NEGR1: variants seen among roughly 807,000 people sequenced by gnomAD.
NEGR1 encodes neuronal growth regulator 1, also known as IgLON family member 4.
In NEGR1, 10 loss-of-function variants were observed where a neutral mutation model predicts 40.9. That is an observed-to-expected ratio of 0.24 (90% CI 0.15 to 0.42). The LOEUF is 0.42. Ranked by LOEUF, NEGR1 falls within the 10% of genes least tolerant of loss-of-function variation. The pLI is 1.00. For missense variants in NEGR1, 352 were observed against 438.9 expected, an observed-to-expected ratio of 0.80 and a Z score of 1.77; for synonymous variants, 185 against 166.8, an observed-to-expected ratio of 1.11 and a Z score of -0.84.
At chr1:71,591,633 T>A (rs1649502877) in intron 6 of NEGR1, among the ~76,000 whole-genome samples, 1 of 152,112 alleles carries the variant, frequency 6.6e-6, no homozygotes, top group Non-Finnish European at 1.5e-5. Context: ...TAAATCATCC[T>A]CATGGAAGGA....
chr1:72,180,728 G>C (rs577781593), intron 1 of NEGR1, among the ~76,000 whole-genome samples: 2 of 152,010 alleles, frequency 1.3e-5, no homozygotes, highest in Non-Finnish European at 2.9e-5. Context: ...CATTAATCAT[G>C]ACGGAAATAC....
intron 1 of NEGR1, among the ~76,000 whole-genome samples, chr1:72,201,003 A>G (rs2100446521): frequency 6.6e-6 from 1 of 152,006 alleles, no homozygotes; most frequent in Non-Finnish European, 1.5e-5. Flanking sequence ...ATATACTATT[A>G]TAAAATGATT....
chr1:71,886,857 A>G (rs1660738226), intron 2 of NEGR1, among the ~76,000 whole-genome samples: 2 of 152,134 alleles, frequency 1.3e-5, no homozygotes, highest in Non-Finnish European at 2.9e-5. Flanking sequence ...TACACTTACC[A>G]CTTAGTTACT....
chr1:72,159,581 C>G (rs1244011722), intron 1 of NEGR1, among the ~76,000 whole-genome samples: 1 of 152,132 alleles, frequency 6.6e-6, no homozygotes, highest in Non-Finnish European at 1.5e-5. Flanking sequence ...CTATTCTACA[C>G]AAATTAAAAT....
intron 1 of NEGR1, among the ~76,000 whole-genome samples, chr1:72,176,093 T>G (rs1038717031): frequency 6.6e-6 from 1 of 152,054 alleles, no homozygotes; most frequent in Non-Finnish European, 1.5e-5. Flanking sequence ...AATTATAAAG[T>G]TTTTTTGGAA....
chr1:71,880,272 T>A (rs568592638), intron 2 of NEGR1, among the ~76,000 whole-genome samples: 1 of 152,126 alleles, frequency 6.6e-6, no homozygotes, highest in South Asian at 2.1e-4. Context: ...CCTTCCTATA[T>A]ATTAGATTTA....
intron 3 of NEGR1, among the ~76,000 whole-genome samples, chr1:71,713,668 A>G (rs1654180323): frequency 1.3e-5 from 2 of 152,234 alleles, no homozygotes; most frequent in African/African-American, 2.4e-5. Context: ...AACATTTGCT[A>G]ACAGGCAAAA....
intron 1 of NEGR1, among the ~76,000 whole-genome samples, chr1:72,106,451 G>T (rs974969024): frequency 1.3e-5 from 2 of 151,868 alleles, no homozygotes; most frequent in African/African-American, 4.8e-5. Context: ...AACTTCAGTA[G>T]ATATTGCTAG....
chr1:71,849,124 G>A (rs1207349370), intron 2 of NEGR1, among the ~76,000 whole-genome samples: 3 of 151,916 alleles, frequency 2.0e-5, no homozygotes, highest in African/African-American at 7.2e-5. Context: ...ATTTCATAAT[G>A]CTATAGCTGC....
intron 3 of NEGR1, among the ~76,000 whole-genome samples, chr1:71,750,409 T>C (rs566281048): frequency 2.0e-5 from 3 of 152,310 alleles, no homozygotes; most frequent in South Asian, 2.1e-4. Context: ...AAAGTATATA[T>C]GTATTAGTCT....
chr1:72,231,609 T>C (rs1654367540), intron 1 of NEGR1, among the ~76,000 whole-genome samples: 1 of 152,192 alleles, frequency 6.6e-6, no homozygotes, highest in African/African-American at 2.4e-5. Context: ...GATTAATTTA[T>C]CATTATTTTT....
At chr1:71,580,963 A>G (rs1240396489) in intron 6 of NEGR1, among the ~76,000 whole-genome samples, 1 of 152,204 alleles carries the variant, frequency 6.6e-6, no homozygotes, top group Non-Finnish European at 1.5e-5. Flanking sequence ...CGATTTATTT[A>G]TTAAATACAG....
rs544030780 is a variant in NEGR1 at position 72,057,530 on chromosome 1, C to T, written c.177-122219G>A. On this transcript the variant is annotated intron_variant, in intron 1 of 6. Coordinates refer to ENST00000357731, the MANE Select transcript of NEGR1 (RefSeq NM_173808.3). ...GACTTTCTATTCTCAACTTCCTACC[C>T]ACCAGGTATGGCTGACAGCTGGCAG... Among the ~76,000 whole-genome samples the T allele has an allele frequency of 7.6e-4, 115 of 151,442 alleles. 3 individuals are homozygous for T. The South Asian group carries it at 0.023, about 31-fold the overall frequency.
At chr1:71,656,043 A>T (rs894994482) in intron 4 of NEGR1, among the ~76,000 whole-genome samples, 2 of 152,192 alleles carry the variant, frequency 1.3e-5, no homozygotes, top group African/African-American at 4.8e-5. Context: ...CTCATAGAAT[A>T]TCCCATTTAT....
intron 4 of NEGR1, among the ~76,000 whole-genome samples, chr1:71,696,795 G>A (rs1272781299): frequency 6.6e-6 from 1 of 151,792 alleles, no homozygotes; most frequent in African/African-American, 2.4e-5. Context: ...ATTCAGCATG[G>A]CTGATGTGGG....
chr1:71,685,693 C>T (rs1361148996), intron 4 of NEGR1, among the ~76,000 whole-genome samples: 1 of 152,124 alleles, frequency 6.6e-6, no homozygotes, highest in Non-Finnish European at 1.5e-5. Flanking sequence ...TACTCCACTT[C>T]CCCCTTCCTC....
chr1:71,762,244 G>T (rs1204162524), intron 3 of NEGR1, among the ~76,000 whole-genome samples: 3 of 134,392 alleles, frequency 2.2e-5, no homozygotes, highest in Non-Finnish European at 3.3e-5. Context: ...GCAGGAAAAA[G>T]AAAATAGAGA....
At position 72,106,274 on chromosome 1, in the gene NEGR1, A is replaced by T. The variant is rs547037603; in HGVS notation, c.177-170963T>A. ...TGGTATATTTGAAGTCTTACAGTTA[A>T]TTTTTCCTACTTTTCCTCTTACACT... On this transcript the variant is annotated intron_variant, in intron 1 of 6. Transcript: ENST00000357731. Among the ~76,000 whole-genome samples, 9 of 152,152 alleles carry T rather than the reference A, an allele frequency of 5.9e-5. No individual in the cohort carries two copies. The South Asian group carries it at 1.9e-3, about 32-fold the overall frequency.
chr1:72,180,481 A>G (rs1174314489), intron 1 of NEGR1, among the ~76,000 whole-genome samples: 4 of 152,098 alleles, frequency 2.6e-5, no homozygotes, highest in Non-Finnish European at 5.9e-5. Context: ...TACAAAAACT[A>G]AAAATCTTCT....
Sources: allele counts gnomAD v4.1 joint callset (sites outside exome capture counted in the v4.1 genomes callset), GRCh38; gene constraint gnomAD v4.1.1; transcripts MANE v1.5; gene names NCBI Gene and HGNC (gene_info 2026-07-23, HGNC 2026-07-21).